Variants in SPATA17 observed in about 807,000 individuals in gnomAD.
SPATA17 encodes the protein spermatogenesis-associated protein 17.
SPATA17 carries 53 observed loss-of-function variants against 62.2 expected under a neutral mutation model. The observed-to-expected ratio is 0.85, with a 90% CI of 0.68 to 1.07. SPATA17 has a LOEUF of 1.07. SPATA17 is among the 50% of genes least tolerant of loss of function. The pLI is 0.00. For synonymous variants in SPATA17, 146 were observed against 146.8 expected (o/e 0.99, Z 0.04); for missense variants, 466 against 425.5 (o/e 1.10, Z -0.84).
At chr1:217,866,170 T>C (rs965629296) in intron 10 of SPATA17, among the ~76,000 whole-genome samples, 1 of 152,184 alleles carries the variant, frequency 6.6e-6, no homozygotes, top group Admixed American at 6.6e-5. Context: ...AATTTTAGTT[T>C]AATAAGAAAA....
intron 1 of SPATA17, among the ~76,000 whole-genome samples, chr1:217,634,453 A>G (rs923582472): frequency 6.6e-6 from 1 of 151,906 alleles, no homozygotes; most frequent in Non-Finnish European, 1.5e-5. Context: ...GGGGGCCACA[A>G]GGTCAGAGCC....
intron 5 of SPATA17, among the ~76,000 whole-genome samples, chr1:217,700,177 G>A (rs1296201688): frequency 6.6e-6 from 1 of 151,548 alleles, no homozygotes; most frequent in Non-Finnish European, 1.5e-5. Context: ...TTTAGAATAA[G>A]GTTATATATG....
chr1:217,849,556 A>C lies in SPATA17; in HGVS notation c.1006-13218A>C, dbSNP rs940641531. 3.9e-5 allele frequency among the ~76,000 whole-genome samples: 6 copies of C among 152,280 alleles called. No homozygotes were observed. In the East Asian group the frequency reaches 7.7e-4, roughly 20 times the overall value. ...ATTAAGAAATAAAAAAAAATTCTCTAATCTCTTGCCAGGAGTGCAAGTATC... is the reference window on the plus strand; with the variant it reads ...ATTAAGAAATAAAAAAAAATTCTCTCATCTCTTGCCAGGAGTGCAAGTATC... On this transcript the variant is annotated intron_variant, in intron 9 of 10. Coordinates refer to ENST00000366933, the MANE Select transcript of SPATA17 (RefSeq NM_138796.4).
intron 9 of SPATA17, among the ~76,000 whole-genome samples, chr1:217,856,915 T>C (rs893833715): frequency 6.6e-6 from 1 of 152,180 alleles, no homozygotes; most frequent in East Asian, 1.9e-4. Flanking sequence ...CTGAAAAGTC[T>C]CCAGTGCTAA....
At chr1:217,709,499 A>G (rs1671809705) in intron 5 of SPATA17, among the ~76,000 whole-genome samples, 1 of 152,028 alleles carries the variant, frequency 6.6e-6, no homozygotes, top group Non-Finnish European at 1.5e-5. Context: ...CAACATGAAA[A>G]TTGGCTTCTC....
intron 5 of SPATA17, among the ~76,000 whole-genome samples, chr1:217,706,454 G>A (rs1049647868): frequency 8.5e-5 from 13 of 152,168 alleles, no homozygotes; most frequent in African/African-American, 2.9e-4. Flanking sequence ...TCTGGGGGCC[G>A]TTCCCCCATG....
chr1:217,858,191 G>A (rs1193861533), intron 9 of SPATA17, among the ~76,000 whole-genome samples: 1 of 152,236 alleles, frequency 6.6e-6, no homozygotes, highest in Admixed American at 6.5e-5. Context: ...GAATAGGCAT[G>A]TATTGAATGT....
chr1:217,856,763 A>C (rs1342919828), intron 9 of SPATA17, among the ~76,000 whole-genome samples: 2 of 152,240 alleles, frequency 1.3e-5, no homozygotes, highest in Non-Finnish European at 2.9e-5. Context: ...CAACTGTAAC[A>C]GTTTCCTGTA....
In SPATA17 at chr1:217,631,359, A is replaced by G; in HGVS notation, c.-20A>G. On this transcript the variant is annotated 5_prime_UTR_variant, in exon 1 of 11. Coordinates refer to ENST00000366933, the MANE Select transcript of SPATA17 (RefSeq NM_138796.4). Reference sequence around the variant, plus strand: ...GGAGACCGGTAGTAACACCAGTTGTAAACCCAAGGCCAAGAGACCATGGCC... The same window carrying G: ...GGAGACCGGTAGTAACACCAGTTGTGAACCCAAGGCCAAGAGACCATGGCC... 6.2e-7 allele frequency: 1 copy of G among 1,614,116 alleles called. No homozygotes were observed. The highest frequency in any genetic ancestry group is 8.5e-7 in the Non-Finnish European group (1 of 1,179,970).
At chr1:217,637,143 T>C (rs1264253707) in intron 1 of SPATA17, among the ~76,000 whole-genome samples, 1 of 152,168 alleles carries the variant, frequency 6.6e-6, no homozygotes, top group Non-Finnish European at 1.5e-5. Flanking sequence ...GAGAAATAAA[T>C]GTTATTGAAT....
chr1:217,639,211 A>G (rs973592606), intron 1 of SPATA17, among the ~76,000 whole-genome samples: 3 of 152,162 alleles, frequency 2.0e-5, no homozygotes, highest in African/African-American at 2.4e-5. Flanking sequence ...TATTCTGGAC[A>G]GAAAATAAAA....
At chr1:217,656,054 T>C in intron 3 of SPATA17, among the ~76,000 whole-genome samples, 1 of 152,064 alleles carries the variant, frequency 6.6e-6, no homozygotes, top group East Asian at 1.9e-4. Context: ...CGGCTAGTTT[T>C]TGTATTTTTA....
intron 4 of SPATA17, among the ~76,000 whole-genome samples, chr1:217,674,589 G>A (rs1670903625): frequency 6.6e-6 from 1 of 152,232 alleles, no homozygotes; most frequent in Non-Finnish European, 1.5e-5. Flanking sequence ...GCCACTCTAG[G>A]TGTGTTGCCC....
intron 3 of SPATA17, among the ~76,000 whole-genome samples, chr1:217,653,398 A>G (rs1670367021): frequency 6.6e-6 from 1 of 152,214 alleles, no homozygotes; most frequent in Admixed American, 6.5e-5. Flanking sequence ...CTAAACTGCT[A>G]TTCAACTCAT....
At chr1:217,665,457 T>C (rs955943938) in intron 3 of SPATA17, 4 of 152,182 alleles carry the variant, frequency 2.6e-5, no homozygotes, top group South Asian at 4.1e-4. Context: ...AAACAGAAGA[T>C]TAAGCAGGTA....
intron 4 of SPATA17, among the ~76,000 whole-genome samples, chr1:217,674,162 G>A (rs1292622265): frequency 6.6e-6 from 1 of 152,052 alleles, no homozygotes; most frequent in East Asian, 1.9e-4. Flanking sequence ...TATAGCTGGG[G>A]GATACCTAAG....
At chr1:217,647,336 A>G (rs1207237707) in intron 1 of SPATA17, among the ~76,000 whole-genome samples, 2 of 152,076 alleles carry the variant, frequency 1.3e-5, no homozygotes, top group African/African-American at 4.8e-5. Flanking sequence ...TAGTGAGGGA[A>G]GCCTGTGAGT....
chr1:217,750,663 A>G (rs1366617795), intron 6 of SPATA17, among the ~76,000 whole-genome samples: 1 of 152,200 alleles, frequency 6.6e-6, no homozygotes, highest in African/African-American at 2.4e-5. Context: ...TACGTTTTAC[A>G]TGAAGGATCT....
chr1:217,833,658 G>C (rs1675197419), intron 9 of SPATA17, among the ~76,000 whole-genome samples: 1 of 152,068 alleles, frequency 6.6e-6, no homozygotes, highest in South Asian at 2.1e-4. Flanking sequence ...TGGCAAAGTG[G>C]GTTTTCAGTT....
Sources: gnomAD v4.1 joint callset for allele counts (sites outside exome capture counted in the v4.1 genomes callset) on GRCh38, gnomAD v4.1.1 for gene constraint, MANE v1.5 for transcripts, NCBI Gene and HGNC (gene_info 2026-07-23, HGNC 2026-07-21) for gene names.